The following CAB39 variants were observed in gnomAD, a reference collection of about 807,000 sequenced individuals.
CAB39 encodes the protein calcium-binding protein 39.
A neutral mutation model predicts 40.0 loss-of-function variants in CAB39; 8 were observed. The ratio of observed to expected loss-of-function variants is 0.20; its 90% CI spans 0.12 to 0.36. The LOEUF is 0.36. CAB39 is among the 10% of genes least tolerant of loss of function. The pLI is 1.00. For missense variants in CAB39, 270 were observed against 401.1 expected (o/e 0.67, Z 2.79); for synonymous variants, 156 against 141.6 (o/e 1.10, Z -0.72).
intron 1 of CAB39, among the ~76,000 whole-genome samples, chr2:230,747,792 G>C (rs1695001925): frequency 6.6e-6 from 1 of 152,128 alleles, no homozygotes. Context: ...TGAATTTCCA[G>C]CTTCAACAGT....
intron 5 of CAB39, among the ~76,000 whole-genome samples, chr2:230,801,959 A>AT (rs937726853): frequency 1.3e-5 from 2 of 151,692 alleles, no homozygotes; most frequent in African/African-American, 2.4e-5. Context: ...ATATTTGTAA[A>AT]TTTTTTTTTC....
chr2:230,782,812 T>C (rs1695712829), intron 2 of CAB39, among the ~76,000 whole-genome samples: 1 of 113,128 alleles, frequency 8.8e-6, no homozygotes, highest in South Asian at 2.4e-4. Context: ...TTTCTTTCTT[T>C]CTTTTTTTTT....
intron 2 of CAB39, among the ~76,000 whole-genome samples, chr2:230,766,612 T>G (rs1695390532): frequency 6.6e-6 from 1 of 152,242 alleles, no homozygotes; most frequent in South Asian, 2.1e-4. Flanking sequence ...CATCGCTTGC[T>G]GCAGCTTCCA....
At chr2:230,815,110 T>C (rs1019547551) in intron 7 of CAB39, among the ~76,000 whole-genome samples, 4 of 152,256 alleles carry the variant, frequency 2.6e-5, no homozygotes, top group African/African-American at 9.6e-5. Flanking sequence ...CTGGAATACT[T>C]TGTGTCCTTT....
chr2:230,818,784 T>C lies in CAB39; in HGVS notation c.*80T>C. On this transcript the variant is annotated 3_prime_UTR_variant, in exon 9 of 9. Coordinates refer to ENST00000258418, the MANE Select transcript of CAB39 (RefSeq NM_016289.4). ...AGCATCAGGCACTCTTATTGATTCA[T>C]GAGGAACATTACTGCTAATCTGCTG... 1 of 1,095,702 alleles carries C rather than the reference T, an allele frequency of 9.1e-7. No homozygotes were observed. 67.9% of individuals were successfully genotyped at this position (1,095,702 alleles called of 1,614,324 possible).
intron 2 of CAB39, among the ~76,000 whole-genome samples, chr2:230,777,524 A>G (rs1311345563): frequency 1.3e-5 from 2 of 151,742 alleles, no homozygotes; most frequent in African/African-American, 2.4e-5. Context: ...GGTTCAAGCA[A>G]TTCTTGTGCC....
chr2:230,803,222 C>T (rs768672024), intron 5 of CAB39, among the ~76,000 whole-genome samples: 3 of 152,194 alleles, frequency 2.0e-5, no homozygotes, highest in African/African-American at 7.2e-5. Context: ...GTGCTAAAAA[C>T]TCTCAATAAA....
At chr2:230,812,008 G>C (rs1161088762) in intron 6 of CAB39, among the ~76,000 whole-genome samples, 1 of 152,236 alleles carries the variant, frequency 6.6e-6, no homozygotes. Flanking sequence ...AGCAGTGGGG[G>C]ATGTGGGTAA....
chr2:230,812,746 T>C (rs1359498274), intron 6 of CAB39, among the ~76,000 whole-genome samples: 3 of 152,204 alleles, frequency 2.0e-5, no homozygotes, highest in African/African-American at 7.2e-5. Context: ...TATAATTCTG[T>C]GTTAGCTCTA....
chr2:230,717,166 T>G (rs2124846155), intron 1 of CAB39, among the ~76,000 whole-genome samples: 1 of 152,362 alleles, frequency 6.6e-6, no homozygotes, highest in South Asian at 2.1e-4. Context: ...GTAAACATTT[T>G]TTTTTACACA....
chr2:230,797,562 A>G (rs1305216140), intron 4 of CAB39, among the ~76,000 whole-genome samples: 1 of 152,040 alleles, frequency 6.6e-6, no homozygotes, highest in Non-Finnish European at 1.5e-5. Flanking sequence ...ATGAGATTTG[A>G]TTTGAGACAC....
chr2:230,725,148 A>G (rs1694539992), intron 1 of CAB39: 4 of 1,613,334 alleles, frequency 2.5e-6, no homozygotes, highest in East Asian at 2.2e-5. Context: ...GAGCATCACA[A>G]GAAGGCGTCG....
chr2:230,794,681 G>A (rs553209927), intron 4 of CAB39, among the ~76,000 whole-genome samples: 6 of 152,240 alleles, frequency 3.9e-5, no homozygotes, highest in Non-Finnish European at 7.4e-5. Context: ...TGGGCCCACC[G>A]GAAGCCCCGC....
At chr2:230,765,692 C>T (rs540105184) in intron 2 of CAB39, among the ~76,000 whole-genome samples, 2 of 151,998 alleles carry the variant, frequency 1.3e-5, no homozygotes, top group African/African-American at 4.8e-5. Context: ...GAAGGGGACA[C>T]TTGTAATGTC....
intron 7 of CAB39, among the ~76,000 whole-genome samples, chr2:230,815,314 A>G (rs1316150686): frequency 6.6e-6 from 1 of 152,194 alleles, no homozygotes; most frequent in Non-Finnish European, 1.5e-5. Flanking sequence ...TCCCTGGCTT[A>G]GAGGATCATT....
intron 1 of CAB39, among the ~76,000 whole-genome samples, chr2:230,752,913 T>C (rs891825659): frequency 6.6e-6 from 1 of 152,060 alleles, no homozygotes; most frequent in Non-Finnish European, 1.5e-5. Flanking sequence ...TTAGATGAAA[T>C]TTGGATTGCC....
At chr2:230,756,657 G>GTTTA (rs763032543) in intron 1 of CAB39, among the ~76,000 whole-genome samples, 91 of 134,686 alleles carry the variant, frequency 6.8e-4, no homozygotes, top group Middle Eastern at 4.0e-3. Context: ...GTTTCTAACT[G>GTTTA]TTTGTTTATT....
rs777930299 is a variant in CAB39, at chr2:230,817,728, AGGTAATT to A, written c.694-24_694-18del. On this transcript the variant is annotated intron_variant, in intron 7 of 8. Coordinates refer to ENST00000258418, the MANE Select transcript of CAB39 (RefSeq NM_016289.4). ...GATTTTTCTTTAAGTTTTAATAACAAGGTAATTGTTTAAATGTCTTCTCAGCTTCTCG... is the reference window on the plus strand; with the variant it reads ...GATTTTTCTTTAAGTTTTAATAACAAGTTTAAATGTCTTCTCAGCTTCTCG... The A allele has an allele frequency of 5.6e-4, 863 of 1,530,020 alleles. 2 individuals are homozygous for A. The highest frequency in any genetic ancestry group is 3.8e-3 in the Middle Eastern group (20 of 5,260). 94.8% of individuals were successfully genotyped at this position (1,530,020 alleles called of 1,614,324 possible).
At chr2:230,730,705 A>C (rs562725390) in intron 1 of CAB39, among the ~76,000 whole-genome samples, 3 of 152,168 alleles carry the variant, frequency 2.0e-5, no homozygotes, top group African/African-American at 7.2e-5. Flanking sequence ...CGGCCTCCCA[A>C]AGTGCTGGGA....
Sources: allele counts gnomAD v4.1 joint callset (sites outside exome capture counted in the v4.1 genomes callset), GRCh38; gene constraint gnomAD v4.1.1; transcripts MANE v1.5; gene names NCBI Gene and HGNC (gene_info 2026-07-23, HGNC 2026-07-21).